The following AKAP6 variants were observed in gnomAD, a reference collection of about 807,000 sequenced individuals.
AKAP6 encodes A-kinase anchor protein 6.
AKAP6 carries 58 observed loss-of-function variants against 188.5 expected under a neutral mutation model. The ratio of observed to expected loss-of-function variants is 0.31; its 90% CI spans 0.25 to 0.38. The LOEUF (loss-of-function observed/expected upper bound fraction) is 0.38, where lower values mean the gene tolerates loss of function less well. AKAP6 is among the 10% of genes least tolerant of loss of function. The probability of loss-of-function intolerance (pLI) is 1.00; values close to 1 mark genes in which losing one functional copy is unlikely to be tolerated. For missense variants in AKAP6, 2,710 were observed against 2,740.0 expected (o/e 0.99, Z 0.24); for synonymous variants, 989 against 998.6 (o/e 0.99, Z 0.18).
rs1382185201 is a variant in AKAP6 at position 32,836,493 on chromosome 14, T to C, written c.*6688T>C. The C allele has an allele frequency of 6.6e-6, 1 of 152,156 alleles. No individual in the cohort carries two copies. Among genetic ancestry groups the C allele is most frequent in the Non-Finnish European group, 1.5e-5 (1 of 68,042 alleles). 9.4% of individuals were successfully genotyped at this position (152,156 alleles called of 1,614,324 possible). A position where few individuals can be genotyped will look rare whatever the true frequency, so the allele number is the denominator to read the frequency against. On this transcript the variant is annotated 3_prime_UTR_variant, in exon 14 of 14. Transcript: ENST00000280979. ...TACCAATTTTGGGGGTACACAAATA[T>C]TGAGGTGATAGACACTTCCAGGCTT...
At chr14:32,479,095 CAT>C (rs1207708069) in intron 2 of AKAP6, among the ~76,000 whole-genome samples, 1 of 152,174 alleles carries the variant, frequency 6.6e-6, no homozygotes, top group Non-Finnish European at 1.5e-5. Flanking sequence ...ACCAAGTAGA[CAT>C]CGACTCACTT....
chr14:32,634,408 C>A (rs889977380), intron 7 of AKAP6, among the ~76,000 whole-genome samples: 1 of 152,072 alleles, frequency 6.6e-6, no homozygotes, highest in Non-Finnish European at 1.5e-5. Context: ...CAAACTTCAA[C>A]TTTGAGTTCA....
chr14:32,654,133 A>G (rs1342450582), intron 7 of AKAP6, among the ~76,000 whole-genome samples: 1 of 152,194 alleles, frequency 6.6e-6, no homozygotes, highest in Non-Finnish European at 1.5e-5. Context: ...CATAATTTTT[A>G]GCAGCTATAT....
intron 1 of AKAP6, among the ~76,000 whole-genome samples, chr14:32,377,667 A>C (rs1888203172): frequency 6.6e-6 from 1 of 152,158 alleles, no homozygotes; most frequent in African/African-American, 2.4e-5. Flanking sequence ...ACCTGTGTTC[A>C]AGTTTCATTT....
At chr14:32,463,656 C>A (rs1268900010) in intron 2 of AKAP6, among the ~76,000 whole-genome samples, 3 of 152,118 alleles carry the variant, frequency 2.0e-5, no homozygotes, top group Non-Finnish European at 4.4e-5. Context: ...CAGGAAAGAT[C>A]TAAAATCAAC....
At chr14:32,748,185 G>T (rs78083557) in intron 11 of AKAP6, among the ~76,000 whole-genome samples, 2 of 152,190 alleles carry the variant, frequency 1.3e-5, no homozygotes, top group African/African-American at 4.8e-5. Context: ...AGGTATCTCA[G>T]TGCTCTCCAC....
At chr14:32,575,555 T>C (rs1884678116) in intron 4 of AKAP6, among the ~76,000 whole-genome samples, 1 of 152,102 alleles carries the variant, frequency 6.6e-6, no homozygotes, top group African/African-American at 2.4e-5. Context: ...ATTGTGTAGG[T>C]CTCAGTTTGT....
chr14:32,580,951 A>G (rs1339841325), intron 5 of AKAP6, among the ~76,000 whole-genome samples: 1 of 152,102 alleles, frequency 6.6e-6, no homozygotes, highest in African/African-American at 2.4e-5. Context: ...CCAGTCTATC[A>G]TTGTTGGACA....
chr14:32,346,788 G>C (rs544032455), intron 1 of AKAP6, among the ~76,000 whole-genome samples: 2 of 152,312 alleles, frequency 1.3e-5, no homozygotes, highest in Admixed American at 1.3e-4. Context: ...GATTACAGGC[G>C]TGAGCCACCG....
Position 32,822,726 on chromosome 14 carries a change from G to A in AKAP6, c.4913G>A (p.Arg1638His), listed in dbSNP as rs1043613753. The A allele has an allele frequency of 8.1e-6, 13 of 1,613,904 alleles. No homozygotes were observed. The East Asian group carries it at 1.1e-4, about 14-fold the overall frequency. The stretch of plus-strand genomic sequence containing the variant: ...AAAAGAACATTAGATCTCCTGAATC[G>A]TTTGGAGAATATCCAGAGCCCCTCA... ...LSKRTLDLLN[R>H]LENIQSPSEQ... is the part of the protein sequence containing the mutation. Residue 1638 changes from arginine to histidine, a missense_variant, in exon 13 of 14, where the codon CGT (arginine) becomes CAT (histidine). Transcript: ENST00000280979.
chr14:32,829,006 A>G (rs2034755164), intron 13 of AKAP6, among the ~76,000 whole-genome samples: 1 of 152,226 alleles, frequency 6.6e-6, no homozygotes, highest in African/African-American at 2.4e-5. Context: ...ATGAGAAATC[A>G]GAACTCAGTT....
chr14:32,705,485 G>C (rs1011147014), intron 9 of AKAP6, among the ~76,000 whole-genome samples: 49 of 152,238 alleles, frequency 3.2e-4, no homozygotes, highest in African/African-American at 1.2e-3. Flanking sequence ...ATTGAGATGG[G>C]TGTAGGATAG....
chr14:32,504,410 A>G (rs1451530681), intron 2 of AKAP6, among the ~76,000 whole-genome samples: 1 of 152,068 alleles, frequency 6.6e-6, no homozygotes, highest in Non-Finnish European at 1.5e-5. Context: ...CCACCAAGGT[A>G]GCTGGCACTA....
intron 1 of AKAP6, among the ~76,000 whole-genome samples, chr14:32,414,763 T>A (rs1451875023): frequency 1.3e-5 from 2 of 152,202 alleles, no homozygotes; most frequent in African/African-American, 4.8e-5. Flanking sequence ...GCCCTTTCAC[T>A]TTATAGCCAA....
chr14:32,450,681 G>A (rs538837900), intron 2 of AKAP6, among the ~76,000 whole-genome samples: 1 of 152,054 alleles, frequency 6.6e-6, no homozygotes, highest in Non-Finnish European at 1.5e-5. Context: ...TCATTTTCAC[G>A]TAAGAGTAAC....
intron 2 of AKAP6, among the ~76,000 whole-genome samples, chr14:32,492,193 C>G (rs898454358): frequency 6.6e-6 from 1 of 151,930 alleles, no homozygotes; most frequent in African/African-American, 2.4e-5. Context: ...GTCTGGCTCT[C>G]TCTTACTTGG....
Position 32,823,967 on chromosome 14 carries a change from G to A in AKAP6, c.6154G>A (p.Glu2052Lys), listed in dbSNP as rs763648995. The A allele has an allele frequency of 2.4e-5, 39 of 1,613,762 alleles. No individual in the cohort carries two copies. In the South Asian group the frequency reaches 2.5e-4, roughly 10 times the overall value. Residue 2052 changes from glutamate (E) to lysine (K), a missense_variant, in exon 13 of 14, where the codon GAA becomes AAA. Coordinates refer to ENST00000280979, the MANE Select transcript of AKAP6 (RefSeq NM_004274.5). ...AGATGTTTTCCATCAAAAAGATGCC[G>A]AAGATTGTTCAGTACACAACTTTGT... ...EPDVFHQKDA[E>K]DCSVHNFVKE...
chr14:32,342,495 T>G (rs1886920952), intron 1 of AKAP6, among the ~76,000 whole-genome samples: 1 of 152,204 alleles, frequency 6.6e-6, no homozygotes, highest in African/African-American at 2.4e-5. Context: ...GTGTGATAGA[T>G]CTAGGTCATG....
At chr14:32,387,063 G>C (rs1888557565) in intron 1 of AKAP6, among the ~76,000 whole-genome samples, 1 of 151,826 alleles carries the variant, frequency 6.6e-6, no homozygotes, top group African/African-American at 2.4e-5. Flanking sequence ...ATTGTAAAAG[G>C]AGTTGAGTTC....
Sources: allele counts gnomAD v4.1 joint callset (sites outside exome capture counted in the v4.1 genomes callset), GRCh38; gene constraint gnomAD v4.1.1; transcripts MANE v1.5; gene names NCBI Gene and HGNC (gene_info 2026-07-23, HGNC 2026-07-21).